KLRG1: variants seen among roughly 807,000 people sequenced by gnomAD.
The protein encoded by KLRG1 is killer cell lectin like receptor G1.
KLRG1 carries 16 observed loss-of-function variants against 21.8 expected under a neutral mutation model. That is an observed-to-expected ratio of 0.73 (90% CI 0.50 to 1.11). The LOEUF is 1.11. Among genes scored for constraint, KLRG1 ranks in the 50% most tolerant of loss-of-function variants. The probability of loss-of-function intolerance (pLI) is 0.00; values close to 1 mark genes in which losing one functional copy is unlikely to be tolerated. For synonymous variants in KLRG1, 69 were observed against 75.9 expected (o/e 0.91, Z 0.47); for missense variants, 173 against 218.3 (o/e 0.79, Z 1.31).
chr12:9,116,978 A>T, the KLRG1 span, among the ~76,000 whole-genome samples: 7 of 152,222 alleles, frequency 4.6e-5, no homozygotes, highest in Non-Finnish European at 8.8e-5. Context: ...CTGGGAGCAC[A>T]TAAGAGAGCA....
At chr12:9,094,958 T>C in the KLRG1 span, 259 of 1,364,326 alleles carry the variant, frequency 1.9e-4, 2 homozygotes, top group East Asian at 6.5e-3. Context: ...ATATATTTAT[T>C]AATTTTTTGT....
chr12:9,009,103 AAGAG>A (rs758782884), intron 4 of KLRG1, 28 bp downstream of exon 4: 3 of 1,552,574 alleles, frequency 1.9e-6, no homozygotes, highest in South Asian at 1.1e-5. Flanking sequence ...AATGCAAAAA[AAGAG>A]AGAGAGGAAA....
chr12:9,193,804 G>A, the KLRG1 span, among the ~76,000 whole-genome samples: 1 of 152,090 alleles, frequency 6.6e-6, no homozygotes, highest in Non-Finnish European at 1.5e-5. Flanking sequence ...TACTGAAGCA[G>A]CTGATATTGT....
chr12:9,043,643 C>T, the KLRG1 span, among the ~76,000 whole-genome samples: 1 of 152,180 alleles, frequency 6.6e-6, no homozygotes, highest in African/African-American at 2.4e-5. Context: ...ATATCTCCAA[C>T]CACATGCTCT....
chr12:9,202,739 C>A, the KLRG1 span: 3 of 1,515,986 alleles, frequency 2.0e-6, no homozygotes, highest in African/African-American at 2.8e-5. Flanking sequence ...TCTCCCTCTG[C>A]ATTCTTCAGT....
At chr12:9,080,176 AC>A in the KLRG1 span, 5 of 1,571,716 alleles carry the variant, frequency 3.2e-6, no homozygotes, top group Non-Finnish European at 4.3e-6. Context: ...AAACCTCACC[AC>A]CTAGAGAAAT....
chr12:9,176,998 A>G, the KLRG1 span, among the ~76,000 whole-genome samples: 1 of 152,210 alleles, frequency 6.6e-6, no homozygotes. Flanking sequence ...AGGATCGAGT[A>G]TATTTTACAT....
At chr12:9,084,438 A>C in the KLRG1 span, among the ~76,000 whole-genome samples, 1 of 152,190 alleles carries the variant, frequency 6.6e-6, no homozygotes, top group Admixed American at 6.5e-5. Context: ...TCAACGACAT[A>C]AAATGTGTGT....
chr12:9,120,886 T>TG, the KLRG1 span, among the ~76,000 whole-genome samples: 7 of 147,948 alleles, frequency 4.7e-5, no homozygotes, highest in South Asian at 4.3e-4. Context: ...TGTGTGTGTA[T>TG]TTTTTTTTTT....
At chr12:8,968,648 G>A (rs1043374253) in intron 1 of KLRG1, among the ~76,000 whole-genome samples, 1 of 152,140 alleles carries the variant, frequency 6.6e-6, no homozygotes, top group African/African-American at 2.4e-5. Context: ...TCCAACAAAT[G>A]AATAATGTAC....
chr12:9,200,960 G>A, the KLRG1 span: 2 of 1,614,090 alleles, frequency 1.2e-6, no homozygotes, highest in South Asian at 1.1e-5. Flanking sequence ...CACCCTGTAG[G>A]AGCCCTGAAT....
the KLRG1 span, among the ~76,000 whole-genome samples, chr12:9,042,619 A>T: frequency 6.6e-6 from 1 of 152,162 alleles, no homozygotes; most frequent in African/African-American, 2.4e-5. Flanking sequence ...CTGTCTTATG[A>T]TTTATCAGTG....
At chr12:9,087,840 C>T in the KLRG1 span, among the ~76,000 whole-genome samples, 1 of 152,054 alleles carries the variant, frequency 6.6e-6, no homozygotes, top group South Asian at 2.1e-4. Flanking sequence ...TATGCATATG[C>T]TCTCTGACTC....
chr12:9,152,237 T>C, the KLRG1 span: 1 of 1,609,716 alleles, frequency 6.2e-7, no homozygotes, highest in Non-Finnish European at 8.5e-7. Context: ...ACTGTTGGTT[T>C]CAGGGGAATA....
the KLRG1 span, among the ~76,000 whole-genome samples, chr12:9,113,044 G>A: frequency 5.5e-4 from 84 of 151,774 alleles, no homozygotes; most frequent in Non-Finnish European, 1.0e-3. Flanking sequence ...CTCATGTTGA[G>A]CCTTGGTCTA....
chr12:9,105,118 A>C, the KLRG1 span, among the ~76,000 whole-genome samples: 39 of 152,334 alleles, frequency 2.6e-4, no homozygotes, highest in East Asian at 6.9e-3. Flanking sequence ...TGAGTAGTCC[A>C]GTTCAGATTG....
chr12:9,182,812 C>T, the KLRG1 span, among the ~76,000 whole-genome samples: 2 of 152,110 alleles, frequency 1.3e-5, no homozygotes, highest in African/African-American at 2.4e-5. Flanking sequence ...AGTTGAATAA[C>T]GGTAATTATA....
chr12:9,004,203 C>T (rs1490180669), intron 3 of KLRG1, among the ~76,000 whole-genome samples: 1 of 152,152 alleles, frequency 6.6e-6, no homozygotes, highest in African/African-American at 2.4e-5. Flanking sequence ...ATTTATAGTC[C>T]TTTGGGAATA....
the KLRG1 span, chr12:9,076,625 A>C: frequency 1.3e-6 from 1 of 792,778 alleles, no homozygotes; most frequent in Admixed American, 2.9e-5. Flanking sequence ...TGCAATATGG[A>C]CAAAATATAT....
Sources: allele counts gnomAD v4.1 joint callset (sites outside exome capture counted in the v4.1 genomes callset), GRCh38; gene constraint gnomAD v4.1.1; transcripts MANE v1.5; gene names NCBI Gene and HGNC (gene_info 2026-07-23, HGNC 2026-07-21).